ALKBH1: variants seen among roughly 807,000 people sequenced by gnomAD.
The protein encoded by ALKBH1 is alkB homolog 1, histone H2A dioxygenase, also known as nucleic acid dioxygenase ALKBH1.
A neutral mutation model predicts 36.6 loss-of-function variants in ALKBH1; 31 were observed. The ratio of observed to expected loss-of-function variants is 0.85; its 90% CI spans 0.64 to 1.14. The LOEUF is 1.14. Ranked by LOEUF, ALKBH1 falls within the 50% of genes most tolerant of loss-of-function variation. The probability of loss-of-function intolerance (pLI) is 0.00; values close to 1 mark genes in which losing one functional copy is unlikely to be tolerated. For missense variants in ALKBH1, 490 were observed against 497.3 expected (o/e 0.99, Z 0.14); for synonymous variants, 183 against 186.6 (o/e 0.98, Z 0.16).
chr14:77,697,608 A>G lies in ALKBH1; in HGVS notation c.293-2708T>C, dbSNP rs2080334690. 3.3e-5 allele frequency among the ~76,000 whole-genome samples: 5 copies of G among 150,860 alleles called. 1 individual carries two copies. In the South Asian group the frequency reaches 1.0e-3, roughly 31 times the overall value. ...GGCCAGGATGTTTCTCATTATTTAT[A>G]CGTTAATAGGTTTGTAAATTCATGT... On this transcript the variant is annotated intron_variant, in intron 2 of 5. Coordinates refer to ENST00000216489, the MANE Select transcript of ALKBH1 (RefSeq NM_006020.3).
intron 4 of ALKBH1, among the ~76,000 whole-genome samples, chr14:77,678,392 G>A (rs928007873): frequency 1.3e-5 from 2 of 152,172 alleles, no homozygotes; most frequent in East Asian, 1.9e-4. Context: ...AGCAGTTAAT[G>A]TATCTAAGTT....
At chr14:77,699,640 A>G (rs2080347559) in intron 2 of ALKBH1, among the ~76,000 whole-genome samples, 1 of 152,158 alleles carries the variant, frequency 6.6e-6, no homozygotes, top group Admixed American at 6.5e-5. Context: ...AGGCTAGCAC[A>G]CATTTGAGAT....
intron 1 of ALKBH1, 62 bp downstream of exon 1, chr14:77,707,760 T>G: frequency 6.6e-7 from 1 of 1,525,976 alleles, no homozygotes; most frequent in Non-Finnish European, 8.8e-7. Context: ...AGAAGACACG[T>G]AAGTCCCTCC....
chr14:77,681,608 G>A (rs945827575), intron 3 of ALKBH1, among the ~76,000 whole-genome samples: 3 of 152,220 alleles, frequency 2.0e-5, no homozygotes, highest in African/African-American at 7.2e-5. Context: ...TTTAGGACAG[G>A]TGTGCAGAAG....
rs75980387 is a variant in ALKBH1 at position 77,672,658 on chromosome 14, A to G, written c.*1154T>C. 2.0e-5 allele frequency: 3 copies of G among 152,350 alleles called. 1 individual carries two copies. The highest frequency in any genetic ancestry group is 7.2e-5 in the African/African-American group (3 of 41,588). 9.4% of individuals were successfully genotyped at this position (152,350 alleles called of 1,614,324 possible). On this transcript the variant is annotated 3_prime_UTR_variant, in exon 6 of 6. Coordinates refer to ENST00000216489, the MANE Select transcript of ALKBH1 (RefSeq NM_006020.3). ...TCATGTTTGTAGAAAGGAGCACTTAATTCTCTTTCAAATACCAATATCCCT... is the reference window on the plus strand; with the variant it reads ...TCATGTTTGTAGAAAGGAGCACTTAGTTCTCTTTCAAATACCAATATCCCT...
intron 3 of ALKBH1, among the ~76,000 whole-genome samples, chr14:77,694,241 C>T (rs981948554): frequency 2.6e-5 from 4 of 152,172 alleles, no homozygotes; most frequent in Admixed American, 2.6e-4. Context: ...ACTACTGACC[C>T]TCATTAAGTA....
rs1408068517 is a variant in ALKBH1, at chr14:77,673,830, C to T, written c.1152G>A (p.Arg384=). 6.2e-7 allele frequency: 1 copy of T among 1,613,630 alleles called. No individual in the cohort carries two copies. Among genetic ancestry groups the T allele is most frequent in the East Asian group, 2.2e-5 (1 of 44,886 alleles). Residue 384 remains arginine, a synonymous_variant, in exon 6 of 6, where the codon AGG becomes AGA. Coordinates refer to ENST00000216489, the MANE Select transcript of ALKBH1 (RefSeq NM_006020.3). ...CCAAGTCTCAGCTGTCAGGGTTTAT[C>T]CTGGCCCGTTTTACTTCGCTATTCT... ...DDQNSEVKRA[R]INPDS
chr14:77,678,015 A>G (rs139123884), intron 4 of ALKBH1, among the ~76,000 whole-genome samples: 9 of 121,508 alleles, frequency 7.4e-5, no homozygotes, highest in Non-Finnish European at 3.2e-5. Flanking sequence ...TTTACTCCCT[A>G]TTTTTCTTAG....
At chr14:77,691,666 A>C (rs924903551) in intron 3 of ALKBH1, 1 of 152,222 alleles carries the variant, frequency 6.6e-6, no homozygotes, top group Admixed American at 6.5e-5. Context: ...CCTTGACAAC[A>C]TAAGGTACGA....
chr14:77,681,084 C>T (rs548995437), intron 3 of ALKBH1, among the ~76,000 whole-genome samples: 1 of 152,168 alleles, frequency 6.6e-6, no homozygotes, highest in South Asian at 2.1e-4. Flanking sequence ...TTATTTACAT[C>T]ATTGATCAAT....
intron 3 of ALKBH1, among the ~76,000 whole-genome samples, chr14:77,692,513 C>T (rs1249860027): frequency 6.6e-6 from 1 of 152,196 alleles, no homozygotes; most frequent in East Asian, 1.9e-4. Context: ...AGGGTTCGCG[C>T]TCCTATGAGA....
At chr14:77,681,890 G>A (rs1429193416) in intron 3 of ALKBH1, among the ~76,000 whole-genome samples, 3 of 152,160 alleles carry the variant, frequency 2.0e-5, no homozygotes, top group Non-Finnish European at 2.9e-5. Context: ...TGCCATATCC[G>A]GTGTGACTTC....
chr14:77,676,743 A>C (rs767774147), intron 4 of ALKBH1, among the ~76,000 whole-genome samples: 1 of 152,176 alleles, frequency 6.6e-6, no homozygotes, highest in Non-Finnish European at 1.5e-5. Context: ...TTTTCTGCAA[A>C]TCTAAAACTA....
rs746547005 is a variant in ALKBH1, at chr14:77,674,055, G to A, written c.927C>T (p.Leu309=). 12 of 1,614,088 alleles carry A rather than the reference G, an allele frequency of 7.4e-6. No homozygotes were observed. In the African/African-American group the frequency reaches 1.5e-4, roughly 20 times the overall value. The change falls in exon 6 of 6, where the codon CTC becomes CTT. Residue 309 remains leucine (L), a synonymous_variant. Transcript: ENST00000216489. ...EGLPHCLEAP[L]PAVLPRDSMV... is the part of the protein sequence containing the mutation. Reference sequence around the variant, plus strand: ...TTGAATCTCTCGGGAGGACAGCAGGGAGAGGTGCCTCTAGGCAGTGAGGCA... The same window carrying A: ...TTGAATCTCTCGGGAGGACAGCAGGAAGAGGTGCCTCTAGGCAGTGAGGCA...
At chr14:77,681,920 A>T (rs2080240234) in intron 3 of ALKBH1, among the ~76,000 whole-genome samples, 1 of 152,178 alleles carries the variant, frequency 6.6e-6, no homozygotes, top group Non-Finnish European at 1.5e-5. Context: ...GGACTTTTGG[A>T]GGCATGCACC....
intron 2 of ALKBH1, chr14:77,697,508 G>A (rs2299931): frequency 0.37 from 56,574 of 152,038 alleles, 11,383 homozygotes; most frequent in East Asian, 0.5. Context: ...AGTGACTCTC[G>A]ATGTCACTGG....
intron 2 of ALKBH1, chr14:77,697,249 C>A: frequency 6.5e-6 from 1 of 154,956 alleles, no homozygotes; most frequent in South Asian, 1.8e-4. Context: ...TCCAGGAGTT[C>A]AAAATCTGTG....
chr14:77,675,760 G>A lies in ALKBH1; in HGVS notation c.636C>T (p.Phe212=). ...QVAAACGFED[F]RAEAGILNYY... is the part of the protein sequence containing the mutation. The stretch of plus-strand genomic sequence containing the variant: ...AATTCAGGATCCCTGCTTCAGCTCG[G>A]AAATCCTCAAATCCACAGGCAGCGG... The change falls in exon 5 of 6, where the codon TTC becomes TTT. Residue 212 remains phenylalanine, a synonymous_variant. Coordinates refer to ENST00000216489, the MANE Select transcript of ALKBH1 (RefSeq NM_006020.3). The A allele has an allele frequency of 6.2e-7, 1 of 1,614,112 alleles. No individual in the cohort carries two copies. Among genetic ancestry groups the A allele is most frequent in the South Asian group, 1.1e-5 (1 of 91,082 alleles).
rs35658256 is a variant in ALKBH1 at position 77,673,913 on chromosome 14, G to T, written c.1069C>A (p.Pro357Thr). Residue 357 changes from proline (P) to threonine (T), a missense_variant, in exon 6 of 6, where the codon CCC (proline) becomes ACC (threonine). By Grantham distance (38) the Pro-to-Thr change is conservative. Transcript: ENST00000216489. Reference sequence around the variant, plus strand: ...ATGTCTCTTTTTTCATCCTCGATGGGTTCTAGAGGGAAATTCTGGTCTGTG... The same window carrying T: ...ATGTCTCTTTTTTCATCCTCGATGGTTTCTAGAGGGAAATTCTGGTCTGTG... ...LATDQNFPLEPIEDEKRDIST... is the reference protein window; with the variant it reads ...LATDQNFPLETIEDEKRDIST... The T allele has an allele frequency of 3.0e-5, 48 of 1,614,158 alleles. 1 individual carries two copies. The South Asian group carries it at 4.9e-4, about 17-fold the overall frequency.
Sources: allele counts gnomAD v4.1 joint callset (sites outside exome capture counted in the v4.1 genomes callset), GRCh38; gene constraint gnomAD v4.1.1; transcripts MANE v1.5; gene names NCBI Gene and HGNC (gene_info 2026-07-23, HGNC 2026-07-21).